RPAP3: variants seen among roughly 807,000 people sequenced by gnomAD.
The protein encoded by RPAP3 is RNA polymerase II-associated protein 3.
RPAP3 carries 58 observed loss-of-function variants against 88.8 expected under a neutral mutation model. That is an observed-to-expected ratio of 0.65 (90% CI 0.53 to 0.81). The LOEUF is 0.81. Among genes scored for constraint, RPAP3 ranks in the 40% least tolerant of loss-of-function variants. The probability of loss-of-function intolerance (pLI) is 0.00; values close to 1 mark genes in which losing one functional copy is unlikely to be tolerated. For synonymous variants in RPAP3, 255 were observed against 259.9 expected (o/e 0.98, Z 0.18); for missense variants, 751 against 764.3 (o/e 0.98, Z 0.20).
At chr12:47,680,842 T>TA (rs35594577) in intron 10 of RPAP3, among the ~76,000 whole-genome samples, 29,459 of 145,918 alleles carry the variant, frequency 0.2, 2,905 homozygotes, top group African/African-American at 0.27. Flanking sequence ...AAGAGTTTTT[T>TA]AAAAAAAAAA....
intron 14 of RPAP3, among the ~76,000 whole-genome samples, chr12:47,668,589 C>T (rs1938930958): frequency 6.6e-6 from 1 of 152,042 alleles, no homozygotes; most frequent in Admixed American, 6.6e-5. Flanking sequence ...AGAATGATTG[C>T]CTACATATTG....
intron 4 of RPAP3, 92 bp downstream of exon 4, chr12:47,697,505 T>C (rs1052497326): frequency 8.3e-7 from 1 of 1,201,912 alleles, no homozygotes; most frequent in Non-Finnish European, 1.2e-6. Flanking sequence ...TTTAAACACG[T>C]ACTAAAACTA....
rs924157202 is a variant in RPAP3, at chr12:47,670,362, C to A, written c.1288-17G>T. ...GAGTGGTTTCTAAAACAATTAAAAT[C>A]AATTCCTTAAATCAAAATATTAAAG... On this transcript the variant is annotated splice_polypyrimidine_tract_variant and intron_variant, in intron 12 of 16. Transcript: ENST00000005386. The A allele has an allele frequency of 1.5e-5, 21 of 1,412,496 alleles. No homozygotes were observed. In the African/African-American group the frequency reaches 2.1e-4, roughly 14 times the overall value. 87.5% of individuals were successfully genotyped at this position (1,412,496 alleles called of 1,614,324 possible).
intron 5 of RPAP3, among the ~76,000 whole-genome samples, chr12:47,690,947 CT>C (rs1251568866): frequency 6.6e-6 from 1 of 152,140 alleles, no homozygotes; most frequent in African/African-American, 2.4e-5. Context: ...TGTGCAAAAG[CT>C]TTATGTCTAA....
At chr12:47,685,356 G>T (rs1008164846) in intron 9 of RPAP3, among the ~76,000 whole-genome samples, 5 of 147,888 alleles carry the variant, frequency 3.4e-5, no homozygotes, top group African/African-American at 1.3e-4. Context: ...TCCAGCCTGG[G>T]TGACAGAGGG....
chr12:47,679,785 T>C lies in RPAP3; in HGVS notation c.1115-11A>G, dbSNP rs767013760. 3.8e-6 allele frequency: 6 copies of C among 1,583,378 alleles called. No homozygotes were observed. The South Asian group carries it at 6.8e-5, about 18-fold the overall frequency. On this transcript the variant is annotated splice_polypyrimidine_tract_variant and intron_variant, in intron 10 of 16. Transcript: ENST00000005386. ...AAACAGTTTCAAAATCTAAAGCGAA[T>C]TTTTTAAAAACATTACAACATAGTT...
chr12:47,693,248 GAGA>G (rs1939462784), intron 5 of RPAP3, among the ~76,000 whole-genome samples: 1 of 152,054 alleles, frequency 6.6e-6, no homozygotes, highest in Non-Finnish European at 1.5e-5. Flanking sequence ...GAAGCCCAAG[GAGA>G]AGGAGAGAGA....
At chr12:47,700,625 C>T (rs1430486774) in intron 3 of RPAP3, among the ~76,000 whole-genome samples, 3 of 152,198 alleles carry the variant, frequency 2.0e-5, no homozygotes, top group African/African-American at 7.2e-5. Context: ...CAGGCTGACA[C>T]GACAGTGGCT....
chr12:47,701,732 G>T, intron 2 of RPAP3, 128 bp from the exon 3 acceptor site: 1 of 654,614 alleles, frequency 1.5e-6, no homozygotes, highest in East Asian at 3.4e-5. Flanking sequence ...TGTTTAAAAA[G>T]ACCAATTTAC....
intron 12 of RPAP3, among the ~76,000 whole-genome samples, chr12:47,673,858 G>GT (rs1365935794): frequency 1.3e-5 from 2 of 151,974 alleles, no homozygotes; most frequent in Non-Finnish European, 2.9e-5. Context: ...ATGCAAGGGT[G>GT]TTTATCCCAA....
At chr12:47,686,193 T>C (rs1939317504) in intron 9 of RPAP3, among the ~76,000 whole-genome samples, 1 of 152,204 alleles carries the variant, frequency 6.6e-6, no homozygotes, top group Non-Finnish European at 1.5e-5. Context: ...CCATCGGATA[T>C]AATTCTACTG....
At chr12:47,695,433 T>C (rs967029102) in intron 5 of RPAP3, among the ~76,000 whole-genome samples, 4 of 152,016 alleles carry the variant, frequency 2.6e-5, no homozygotes, top group African/African-American at 7.2e-5. Flanking sequence ...GGATGACAAA[T>C]ATATAATTCA....
At chr12:47,698,844 C>T (rs372773636) in intron 3 of RPAP3, among the ~76,000 whole-genome samples, 1 of 152,138 alleles carries the variant, frequency 6.6e-6, no homozygotes, top group East Asian at 1.9e-4. Context: ...TAAATACAAA[C>T]TTTAATTATT....
intron 5 of RPAP3, among the ~76,000 whole-genome samples, chr12:47,692,787 TAAG>T (rs1008399437): frequency 1.3e-5 from 2 of 152,248 alleles, no homozygotes; most frequent in African/African-American, 4.8e-5. Context: ...CCGTCCTCAC[TAAG>T]TTTAATCATT....
At chr12:47,666,201 T>C (rs1230109136) in intron 16 of RPAP3, among the ~76,000 whole-genome samples, 1 of 152,230 alleles carries the variant, frequency 6.6e-6, no homozygotes, top group Non-Finnish European at 1.5e-5. Context: ...CAACTGAAGT[T>C]TCTGCATAGT....
At chr12:47,676,707 T>G (rs1480757583) in intron 12 of RPAP3, among the ~76,000 whole-genome samples, 1 of 152,184 alleles carries the variant, frequency 6.6e-6, no homozygotes, top group Non-Finnish European at 1.5e-5. Context: ...AGAAGTTCAA[T>G]CTCTGAATAG....
chr12:47,684,569 C>T (rs891045559), intron 9 of RPAP3, among the ~76,000 whole-genome samples: 1 of 152,120 alleles, frequency 6.6e-6, no homozygotes, highest in Non-Finnish European at 1.5e-5. Context: ...GGAAAAGATA[C>T]AAGTAAGAGT....
At chr12:47,673,505 T>A (rs994742863) in intron 12 of RPAP3, among the ~76,000 whole-genome samples, 2 of 150,358 alleles carry the variant, frequency 1.3e-5, no homozygotes, top group South Asian at 2.1e-4. Flanking sequence ...GGAAAAGTAT[T>A]AAACTAAGAA....
At chr12:47,684,775 A>T (rs541035591) in intron 9 of RPAP3, among the ~76,000 whole-genome samples, 1 of 152,326 alleles carries the variant, frequency 6.6e-6, no homozygotes, top group South Asian at 2.1e-4. Flanking sequence ...CAATTTTTAA[A>T]CCAATGCACA....
Sources: allele counts gnomAD v4.1 joint callset (sites outside exome capture counted in the v4.1 genomes callset), GRCh38; gene constraint gnomAD v4.1.1; transcripts MANE v1.5; gene names NCBI Gene and HGNC (gene_info 2026-07-23, HGNC 2026-07-21).